OTOG: variants seen among roughly 807,000 people sequenced by gnomAD.
OTOG encodes the protein otogelin.
OTOG carries 296 observed loss-of-function variants against 313.8 expected under a neutral mutation model. The ratio of observed to expected loss-of-function variants is 0.94; its 90% CI spans 0.86 to 1.04. OTOG has a LOEUF of 1.04. OTOG is among the 50% of genes least tolerant of loss of function. The probability of loss-of-function intolerance (pLI) is 0.00; values close to 1 mark genes in which losing one functional copy is unlikely to be tolerated. For synonymous variants in OTOG, 1,533 were observed against 1,554.9 expected (o/e 0.99, Z 0.33); for missense variants, 3,948 against 3,840.1 (o/e 1.03, Z -0.74).
At chr11:17,571,993 C>A in intron 17 of OTOG, 87 bp from the exon 18 acceptor site, 1 of 1,507,336 alleles carries the variant, frequency 6.6e-7, no homozygotes. Flanking sequence ...TGTATATGAG[C>A]AAGTAGGTGT....
At position 17,608,371 on chromosome 11, in the gene OTOG, CCTGCCGGGACCCACGGGCAGCCAG is replaced by C; in HGVS notation, c.4243_4266del (p.Pro1415_Asp1422del). The C allele has an allele frequency of 6.5e-7, 1 of 1,547,122 alleles. No homozygotes were observed. The stretch of plus-strand genomic sequence containing the variant: ...GCCTGTGCCAGCCCCTGCTTCCAAA[CCTGCCGGGACCCACGGGCAGCCAG>C]CTGCCGGGACGTACCCAGGTGAGAT... On this transcript the variant is annotated inframe_deletion, in exon 34 of 56. Coordinates refer to ENST00000399397, the MANE Select transcript of OTOG (RefSeq NM_001292063.2).
At chr11:17,571,313 A>G (rs1278578414) in intron 17 of OTOG, among the ~76,000 whole-genome samples, 1 of 152,202 alleles carries the variant, frequency 6.6e-6, no homozygotes, top group Non-Finnish European at 1.5e-5. Context: ...ACCTTTGGGT[A>G]GGAATATTGC....
chr11:17,610,341 G>T lies in OTOG; in HGVS notation c.5041G>T (p.Val1681Phe). Residue 1681 changes from valine (V) to phenylalanine (F), a missense_variant, in exon 36 of 56, where the codon GTC (valine) becomes TTC (phenylalanine). Coordinates refer to ENST00000399397, the MANE Select transcript of OTOG (RefSeq NM_001292063.2). The part of the protein sequence containing the change: ...AVTKVISRTG[V>F]PQPTQAQSAS... ...AACTAAGGTCATAAGCAGGACAGGGGTCCCCCAGCCCACCCAGGCCCAGAG... is the reference window on the plus strand; with the variant it reads ...AACTAAGGTCATAAGCAGGACAGGGTTCCCCCAGCCCACCCAGGCCCAGAG... 6.4e-7 allele frequency: 1 copy of T among 1,550,616 alleles called. No homozygotes were observed. The highest frequency in any genetic ancestry group is 8.7e-7 in the Non-Finnish European group (1 of 1,146,992).
At chr11:17,636,152 T>C (rs1457228203) in intron 47 of OTOG, among the ~76,000 whole-genome samples, 1 of 152,226 alleles carries the variant, frequency 6.6e-6, no homozygotes, top group African/African-American at 2.4e-5. Flanking sequence ...TATTTTGTAA[T>C]TATAAATAAA....
At chr11:17,630,259 ACACCAT>A (rs1479477326) in intron 40 of OTOG, among the ~76,000 whole-genome samples, 1 of 152,134 alleles carries the variant, frequency 6.6e-6, no homozygotes, top group African/African-American at 2.4e-5. Flanking sequence ...ACCACCACCA[ACACCAT>A]CACCATCACC....
At chr11:17,567,750 GT>G (rs1852317852) in intron 15 of OTOG, among the ~76,000 whole-genome samples, 1 of 152,174 alleles carries the variant, frequency 6.6e-6, no homozygotes, top group African/African-American at 2.4e-5. Context: ...TTTTGTACAA[GT>G]TGTTCCTTTT....
chr11:17,575,703 A>G (rs986860092), intron 20 of OTOG, among the ~76,000 whole-genome samples: 13 of 152,130 alleles, frequency 8.5e-5, no homozygotes, highest in African/African-American at 3.1e-4. Context: ...AGGCCCCTTT[A>G]GGGTAAATAG....
At chr11:17,561,406 G>A (rs1290481046) in intron 14 of OTOG, among the ~76,000 whole-genome samples, 5 of 152,210 alleles carry the variant, frequency 3.3e-5, no homozygotes, top group African/African-American at 4.8e-5. Context: ...TTGGCCTGAG[G>A]CTGGTCCTCA....
chr11:17,634,632 G>A (rs1227904342), intron 44 of OTOG, among the ~76,000 whole-genome samples: 2 of 152,132 alleles, frequency 1.3e-5, no homozygotes, highest in South Asian at 2.1e-4. Flanking sequence ...TGGGGTGCGT[G>A]TCAATGGATG....
chr11:17,558,461 G>C, intron 9 of OTOG, 77 bp from the exon 10 acceptor site: 1 of 1,528,672 alleles, frequency 6.5e-7, no homozygotes, highest in Admixed American at 2.0e-5. Flanking sequence ...TCTCCCCACA[G>C]CTCAAGTTGG....
At position 17,547,928 on chromosome 11, in the gene OTOG, C is replaced by T. The variant is rs571713343; in HGVS notation, c.96C>T (p.Ala32=). 11 of 458,802 alleles carry T rather than the reference C, an allele frequency of 2.4e-5. No homozygotes were observed. Among genetic ancestry groups the T allele is most frequent in the East Asian group, 6.6e-5 (2 of 30,128 alleles). 28.4% of individuals were successfully genotyped at this position (458,802 alleles called of 1,614,324 possible). A position where few individuals can be genotyped will look rare whatever the true frequency, so the allele number is the denominator to read the frequency against. ...GTGGAGAATAATCCCCCTCCCCAGC[C>T]GCAGCACCCGTTCTGTGGGGCAGTG... ...AAESLRVQRL[A]AAPVLWGSAE... Residue 32 remains alanine, a splice_region_variant and synonymous_variant, in exon 2 of 56, where the codon GCC becomes GCT. Coordinates refer to ENST00000399397, the MANE Select transcript of OTOG (RefSeq NM_001292063.2).
chr11:17,581,710 C>T (rs1833202902), intron 23 of OTOG, among the ~76,000 whole-genome samples: 1 of 152,194 alleles, frequency 6.6e-6, no homozygotes, highest in African/African-American at 2.4e-5. Flanking sequence ...GTAACCCACA[C>T]TCCTGTGAAG....
At chr11:17,614,320 C>T (rs1020205238) in intron 39 of OTOG, among the ~76,000 whole-genome samples, 6 of 152,162 alleles carry the variant, frequency 3.9e-5, no homozygotes, top group Non-Finnish European at 1.5e-5. Context: ...ACACAGGGTG[C>T]GGCACATTTG....
chr11:17,575,442 C>T (rs929996025), intron 20 of OTOG, among the ~76,000 whole-genome samples: 1 of 152,038 alleles, frequency 6.6e-6, no homozygotes, highest in African/African-American at 2.4e-5. Flanking sequence ...AGCCTTTCTG[C>T]GGAGGTGAGG....
chr11:17,575,962 G>A (rs996702482), intron 20 of OTOG, among the ~76,000 whole-genome samples: 1 of 152,178 alleles, frequency 6.6e-6, no homozygotes, highest in East Asian at 1.9e-4. Context: ...AGCTGTGTGA[G>A]GAGGAAACAT....
chr11:17,598,702 G>A (rs1590031181), intron 30 of OTOG, among the ~76,000 whole-genome samples: 2 of 152,322 alleles, frequency 1.3e-5, no homozygotes, highest in Non-Finnish European at 2.9e-5. Flanking sequence ...TGACTCTAGA[G>A]AGCTGGCTTT....
chr11:17,614,408 C>T (rs1035496398), intron 39 of OTOG, among the ~76,000 whole-genome samples: 3 of 152,090 alleles, frequency 2.0e-5, no homozygotes, highest in Admixed American at 6.5e-5. Context: ...CCCTGAGTTT[C>T]GTTTCTTAGT....
chr11:17,621,832 G>T (rs545628335), intron 39 of OTOG, among the ~76,000 whole-genome samples: 1 of 152,298 alleles, frequency 6.6e-6, no homozygotes, highest in African/African-American at 2.4e-5. Flanking sequence ...AACTGTTCAC[G>T]TTGGAAAACT....
At chr11:17,572,504 C>T (rs1008506656) in intron 18 of OTOG, among the ~76,000 whole-genome samples, 6 of 152,204 alleles carry the variant, frequency 3.9e-5, no homozygotes, top group African/African-American at 7.2e-5. Context: ...CCCATGCCCC[C>T]CTTCTCACCT....
Sources: gnomAD v4.1 joint callset for allele counts (sites outside exome capture counted in the v4.1 genomes callset) on GRCh38, gnomAD v4.1.1 for gene constraint, MANE v1.5 for transcripts, NCBI Gene and HGNC (gene_info 2026-07-23, HGNC 2026-07-21) for gene names.